CR1L: variants seen among roughly 807,000 people sequenced by gnomAD.
CR1L encodes complement component receptor 1-like protein.
Under a neutral mutation model 62.3 loss-of-function variants are expected in CR1L, and 59 were observed. The ratio of observed to expected loss-of-function variants is 0.95; its 90% CI spans 0.77 to 1.18. The LOEUF (loss-of-function observed/expected upper bound fraction) is 1.18, where lower values mean the gene tolerates loss of function less well. CR1L is among the 50% of genes most tolerant of loss of function. The probability of loss-of-function intolerance (pLI) is 0.00; values close to 1 mark genes in which losing one functional copy is unlikely to be tolerated. For missense variants in CR1L, 700 were observed against 702.8 expected (o/e 1.00, Z 0.04); for synonymous variants, 279 against 248.7 (o/e 1.12, Z -1.15).
rs368373815 is a variant in CR1L at position 207,655,138 on chromosome 1, T to C, written c.97+9808T>C. 1.2e-3 allele frequency: 526 copies of C among 440,560 alleles called. 9 individuals are homozygous for C. In the South Asian group the frequency reaches 0.012, roughly 10 times the overall value. 27.3% of individuals were successfully genotyped at this position (440,560 alleles called of 1,614,324 possible). A position where few individuals can be genotyped will look rare whatever the true frequency, so the allele number is the denominator to read the frequency against. On this transcript the variant is annotated intron_variant, in intron 1 of 11. Transcript: ENST00000508064. ...CATATAAAAAGTTCCTTCATTATTA[T>C]GTGTCTTATTAATTGCTATACAAAA...
intron 1 of CR1L, among the ~76,000 whole-genome samples, chr1:207,662,264 C>T (rs1233490805): frequency 1.3e-5 from 2 of 152,164 alleles, no homozygotes; most frequent in Non-Finnish European, 2.9e-5. Context: ...TTCCATTCTC[C>T]CCATCACTTT....
rs1664048222 is a variant in CR1L at position 207,694,736 on chromosome 1, C to T, written c.847C>T (p.Pro283Ser). 3 of 1,611,892 alleles carry T rather than the reference C, an allele frequency of 1.9e-6. No homozygotes were observed. The highest frequency in any genetic ancestry group is 2.5e-6 in the Non-Finnish European group (3 of 1,179,730). Residue 283 changes from proline to serine, a missense_variant, in exon 5 of 12, where the codon CCA (proline) becomes TCA (serine). Pro to Ser is a moderately conservative substitution (Grantham distance 74). Transcript: ENST00000508064. Reference sequence around the variant, plus strand: ...CCTGAACAAATGGGAGCCAGAGTTACCAAGCTGCTCCAGGGGTGAGTCTGA... The same window carrying T: ...CCTGAACAAATGGGAGCCAGAGTTATCAAGCTGCTCCAGGGGTGAGTCTGA... ...QALNKWEPELPSCSRVCQPPP... is the reference protein window; with the variant it reads ...QALNKWEPELSSCSRVCQPPP...
chr1:207,689,498 T>C (rs1359019933), intron 4 of CR1L, among the ~76,000 whole-genome samples: 1 of 152,180 alleles, frequency 6.6e-6, no homozygotes, highest in East Asian at 1.9e-4. Flanking sequence ...GAAATATTGC[T>C]GGATTCAGTT....
At chr1:207,693,775 G>A (rs1400644617) in intron 4 of CR1L, among the ~76,000 whole-genome samples, 4 of 151,472 alleles carry the variant, frequency 2.6e-5, no homozygotes, top group African/African-American at 9.7e-5. Context: ...ATTCTTACAT[G>A]TTTGTTGGGT....
intron 1 of CR1L, among the ~76,000 whole-genome samples, chr1:207,662,473 C>T (rs1663441325): frequency 6.6e-6 from 1 of 152,176 alleles, no homozygotes; most frequent in Non-Finnish European, 1.5e-5. Context: ...TCACGTAGTT[C>T]TCGTGCCATA....
intron 5 of CR1L, among the ~76,000 whole-genome samples, chr1:207,696,447 A>G (rs1304389660): frequency 1.3e-5 from 2 of 152,226 alleles, no homozygotes; most frequent in Non-Finnish European, 2.9e-5. Flanking sequence ...TAAGGTTTCC[A>G]TTGCTAGCAG....
intron 4 of CR1L, among the ~76,000 whole-genome samples, chr1:207,693,324 G>A (rs1030803542): frequency 6.6e-6 from 1 of 152,070 alleles, no homozygotes; most frequent in Non-Finnish European, 1.5e-5. Context: ...CAACATGTTG[G>A]CCAGGCTGGT....
intron 1 of CR1L, among the ~76,000 whole-genome samples, chr1:207,666,798 CA>C (rs1663530837): frequency 6.6e-6 from 1 of 152,182 alleles, no homozygotes; most frequent in African/African-American, 2.4e-5. Context: ...AACAAACCCC[CA>C]TGACACAAGT....
chr1:207,699,603 C>A (rs537456291), intron 8 of CR1L, among the ~76,000 whole-genome samples: 2 of 152,260 alleles, frequency 1.3e-5, no homozygotes, highest in East Asian at 3.9e-4. Context: ...TTCTTTCCTT[C>A]CTTCAGTTCT....
chr1:207,677,539 T>C lies in CR1L; in HGVS notation c.248T>C (p.Val83Ala), dbSNP rs777667413. The C allele has an allele frequency of 3.7e-6, 6 of 1,613,900 alleles. No individual in the cohort carries two copies. Among genetic ancestry groups the C allele is most frequent in the Non-Finnish European group, 3.4e-6 (4 of 1,179,858 alleles). The change falls in exon 2 of 12, where the codon GTC becomes GCC. Residue 83 changes from valine (V) to alanine (A), a missense_variant. Val to Ala is a moderately conservative substitution (Grantham distance 64). Coordinates refer to ENST00000508064, the MANE Select transcript of CR1L (RefSeq NM_175710.2). ...PFSIICLKNS[V>A]WTSAKDKCKR... ...TCTATCATCTGCCTAAAAAACTCAG[T>C]CTGGACAAGTGCTAAGGACAAGTGC...
chr1:207,711,565 A>G (rs1402569821), intron 10 of CR1L: 6 of 152,508 alleles, frequency 3.9e-5, no homozygotes, highest in Non-Finnish European at 1.5e-5. Flanking sequence ...CTTTCCAGGA[A>G]AGTTCTAAAT....
chr1:207,720,176 C>T (rs1273260955), intron 11 of CR1L, among the ~76,000 whole-genome samples: 1 of 152,168 alleles, frequency 6.6e-6, no homozygotes, highest in Non-Finnish European at 1.5e-5. Context: ...ATAGGAACTC[C>T]TTTTGTCTCT....
intron 1 of CR1L, among the ~76,000 whole-genome samples, chr1:207,645,945 T>A (rs1256624975): frequency 6.6e-6 from 1 of 152,162 alleles, no homozygotes; most frequent in Non-Finnish European, 1.5e-5. Flanking sequence ...CACTGTTTGC[T>A]TTGAGTGGAG....
intron 1 of CR1L, among the ~76,000 whole-genome samples, chr1:207,650,170 C>T (rs1279583326): frequency 2.0e-5 from 3 of 152,060 alleles, no homozygotes; most frequent in Non-Finnish European, 4.4e-5. Flanking sequence ...TGGAGAGATA[C>T]CCAGCTAGGA....
chr1:207,657,446 T>G (rs370689346), intron 1 of CR1L: 4 of 555,638 alleles, frequency 7.2e-6, no homozygotes, highest in African/African-American at 3.8e-5. Context: ...CTAATTTATT[T>G]TAATACAGGT....
At chr1:207,715,540 G>A (rs1023713364) in intron 10 of CR1L, 5 of 465,756 alleles carry the variant, frequency 1.1e-5, no homozygotes, top group African/African-American at 2.0e-5. Flanking sequence ...TTTCAAGAAG[G>A]GTCTTGTAGG....
At chr1:207,655,228 T>G (rs1428427913) in intron 1 of CR1L, 1 of 690,596 alleles carries the variant, frequency 1.4e-6, no homozygotes, top group African/African-American at 1.8e-5. Context: ...TATTGTGAAC[T>G]TAAAGGATCA....
intron 7 of CR1L, among the ~76,000 whole-genome samples, chr1:207,698,760 A>G (rs1360556262): frequency 1.3e-5 from 2 of 152,324 alleles, no homozygotes; most frequent in African/African-American, 4.8e-5. Context: ...TGTGGAGATG[A>G]AAGGACAATC....
At chr1:207,673,719 C>G (rs2102455474) in intron 1 of CR1L, among the ~76,000 whole-genome samples, 1 of 152,282 alleles carries the variant, frequency 6.6e-6, no homozygotes, top group South Asian at 2.1e-4. Flanking sequence ...TGCTATTCGG[C>G]AGGTAAAATT....
Sources: gnomAD v4.1 joint callset for allele counts (sites outside exome capture counted in the v4.1 genomes callset) on GRCh38, gnomAD v4.1.1 for gene constraint, MANE v1.5 for transcripts, NCBI Gene and HGNC (gene_info 2026-07-23, HGNC 2026-07-21) for gene names.